SEC23B: variants seen among roughly 807,000 people sequenced by gnomAD.
The protein encoded by SEC23B is protein transport protein Sec23B.
Under a neutral mutation model 104.3 loss-of-function variants are expected in SEC23B, and 77 were observed. The observed-to-expected ratio is 0.74, with a 90% CI of 0.61 to 0.89. The LOEUF is 0.89. Among genes scored for constraint, SEC23B ranks in the 40% least tolerant of loss-of-function variants. The pLI is 0.00. For missense variants in SEC23B, 885 were observed against 949.4 expected (o/e 0.93, Z 0.89); for synonymous variants, 338 against 332.5 (o/e 1.02, Z -0.18).
chr20:18,523,397 C>CTTTT (rs112136906), intron 4 of SEC23B, among the ~76,000 whole-genome samples: 1,922 of 130,524 alleles, frequency 0.015, 27 homozygotes, highest in African/African-American at 0.023. Context: ...TCTTTCCTTT[C>CTTTT]TTTTTTTTTT....
At position 18,555,130 on chromosome 20, in the gene SEC23B, T is replaced by A; in HGVS notation, c.2171T>A (p.Val724Glu). Residue 724 changes from valine to glutamate, a missense_variant, in exon 19 of 20, where the codon GTG becomes GAG. Transcript: ENST00000650089. The part of the protein sequence containing the change: ...GSQARFLLSK[V>E]NPSQTHNNLY... ...AAGGCTCGATTCCTTTTGTCCAAAG[T>A]GAACCCATCTCAGACACACAATAAC... 2 of 1,613,992 alleles carry A rather than the reference T, an allele frequency of 1.2e-6. No homozygotes were observed. The highest frequency in any genetic ancestry group is 1.7e-6 in the Non-Finnish European group (2 of 1,179,892).
intron 2 of SEC23B, among the ~76,000 whole-genome samples, chr20:18,511,818 C>A (rs572530113): frequency 6.6e-6 from 1 of 152,188 alleles, no homozygotes; most frequent in South Asian, 2.1e-4. Context: ...AAGCATTTTC[C>A]TGTGTGTGAA....
chr20:18,548,667 AGTC>A lies in SEC23B; in HGVS notation c.1806_1808del (p.Ser603del). 6.2e-7 allele frequency: 1 copy of A among 1,614,088 alleles called. No homozygotes were observed. Among genetic ancestry groups the A allele is most frequent in the South Asian group, 1.1e-5 (1 of 91,082 alleles). ...CAAGTGTTTAACAACAGTCCTGATG[AGTC>A]GTCATATTACAGACATCATTTTGCC... On this transcript the variant is annotated inframe_deletion, in exon 16 of 20. Coordinates refer to ENST00000650089, the MANE Select transcript of SEC23B (RefSeq NM_006363.6).
chr20:18,550,945 A>G, intron 16 of SEC23B, 144 bp from the exon 17 acceptor site: 1 of 693,848 alleles, frequency 1.4e-6, no homozygotes, highest in Non-Finnish European at 2.6e-6. Context: ...TGTCAGGAAG[A>G]AAAGGGGTGA....
intron 4 of SEC23B, among the ~76,000 whole-genome samples, chr20:18,516,755 A>G (rs896045516): frequency 1.3e-5 from 2 of 151,542 alleles, no homozygotes; most frequent in East Asian, 1.9e-4. Context: ...GGGTTTCACC[A>G]TGTTAGCCAG....
chr20:18,526,089 G>T (rs541749317), intron 7 of SEC23B, among the ~76,000 whole-genome samples, 157 bp downstream of exon 7: 6 of 152,272 alleles, frequency 3.9e-5, no homozygotes, highest in African/African-American at 1.4e-4. Flanking sequence ...CACGTTGAGG[G>T]AGCCCCTCAA....
intron 2 of SEC23B, among the ~76,000 whole-genome samples, chr20:18,511,804 C>T (rs2059984363): frequency 6.6e-6 from 1 of 152,088 alleles, no homozygotes; most frequent in African/African-American, 2.4e-5. Flanking sequence ...GGTTAAAAAT[C>T]TAGAAGCATT....
chr20:18,514,465 C>T (rs964292133), intron 3 of SEC23B, among the ~76,000 whole-genome samples: 2 of 152,182 alleles, frequency 1.3e-5, no homozygotes, highest in African/African-American at 4.8e-5. Context: ...GTACCCTTCT[C>T]TCCCAACCAG....
intron 11 of SEC23B, 47 bp downstream of exon 11, chr20:18,532,791 CCCG>C: frequency 2.1e-6 from 3 of 1,398,908 alleles, no homozygotes; most frequent in Non-Finnish European, 3.1e-6. Context: ...CCGGATTTAA[CCCG>C]TCAGAAGTGT....
At chr20:18,519,113 G>C (rs970767268) in intron 4 of SEC23B, among the ~76,000 whole-genome samples, 18 of 152,144 alleles carry the variant, frequency 1.2e-4, no homozygotes, top group Admixed American at 3.3e-4. Flanking sequence ...GGTGTGTGGC[G>C]ATTAGGCCTG....
Position 18,554,312 on chromosome 20 carries a change from A to G in SEC23B, c.2070A>G (p.Pro690=). 6.2e-7 allele frequency: 1 copy of G among 1,614,172 alleles called. No homozygotes were observed. Among genetic ancestry groups the G allele is most frequent in the Middle Eastern group, 1.6e-4 (1 of 6,062 alleles). ...ACTTCAAGCACCTTCTGCAGGCACCACTGGATGATGCTCAAGAAATTCTGC... is the reference window on the plus strand; with the variant it reads ...ACTTCAAGCACCTTCTGCAGGCACCGCTGGATGATGCTCAAGAAATTCTGC... ...YENFKHLLQA[P]LDDAQEILQA... The change falls in exon 18 of 20, where the codon CCA becomes CCG. Residue 690 remains proline (P), a synonymous_variant. Transcript: ENST00000650089.
intron 17 of SEC23B, 51 bp downstream of exon 17, chr20:18,551,226 A>T: frequency 9.9e-7 from 1 of 1,011,340 alleles, no homozygotes; most frequent in Non-Finnish European, 1.5e-6. Flanking sequence ...TAAATTGGAG[A>T]AAAGGCATAC....
chr20:18,523,015 C>T (rs1389604368), intron 4 of SEC23B, among the ~76,000 whole-genome samples: 3 of 151,492 alleles, frequency 2.0e-5, no homozygotes, highest in African/African-American at 4.9e-5. Flanking sequence ...TGCAGTGAGC[C>T]GAGATCGCGC....
At chr20:18,535,200 C>T (rs961729723) in intron 11 of SEC23B, among the ~76,000 whole-genome samples, 1 of 150,694 alleles carries the variant, frequency 6.6e-6, no homozygotes, top group Non-Finnish European at 1.5e-5. Context: ...ACACCCACCC[C>T]CCCCCACACA....
intron 11 of SEC23B, among the ~76,000 whole-genome samples, chr20:18,534,356 C>G (rs2060210296): frequency 6.6e-6 from 1 of 152,112 alleles, no homozygotes; most frequent in Non-Finnish European, 1.5e-5. Context: ...TGTTTTTACC[C>G]CAACTGGCAT....
chr20:18,529,701 A>G (rs1232903470), intron 9 of SEC23B, among the ~76,000 whole-genome samples: 1 of 152,238 alleles, frequency 6.6e-6, no homozygotes, highest in African/African-American at 2.4e-5. Flanking sequence ...GGACACAGCA[A>G]TAGTCAGAAC....
At chr20:18,547,539 G>A (rs892100524) in intron 15 of SEC23B, among the ~76,000 whole-genome samples, 2 of 152,058 alleles carry the variant, frequency 1.3e-5, no homozygotes, top group Non-Finnish European at 2.9e-5. Context: ...AGAACCTATG[G>A]TTGCAGTGTC....
At position 18,551,144 on chromosome 20, in the gene SEC23B, C is replaced by A; in HGVS notation, c.1961C>A (p.Thr654Asn). The change falls in exon 17 of 20, where the codon ACT (threonine) becomes AAT (asparagine). Residue 654 changes from threonine to asparagine, a missense_variant. Coordinates refer to ENST00000650089, the MANE Select transcript of SEC23B (RefSeq NM_006363.6). ...GCTGACAGAATTTTGCTGATGGATA[C>A]TTTCTTTCAAATTGTCATTTATCTT... The part of the protein sequence containing the change: ...ILADRILLMD[T>N]FFQIVIYLGE... 6.3e-7 allele frequency: 1 copy of A among 1,598,470 alleles called. No individual in the cohort carries two copies. Among genetic ancestry groups the A allele is most frequent in the Non-Finnish European group, 8.5e-7 (1 of 1,170,136 alleles).
intron 4 of SEC23B, among the ~76,000 whole-genome samples, chr20:18,518,378 T>A (rs1454396551): frequency 6.6e-6 from 1 of 151,936 alleles, no homozygotes; most frequent in Non-Finnish European, 1.5e-5. Flanking sequence ...GAGCTTGATG[T>A]GTAAGGAAGG....
Sources: gnomAD v4.1 joint callset for allele counts (sites outside exome capture counted in the v4.1 genomes callset) on GRCh38, gnomAD v4.1.1 for gene constraint, MANE v1.5 for transcripts, NCBI Gene and HGNC (gene_info 2026-07-23, HGNC 2026-07-21) for gene names.